The following FAP variants were observed in gnomAD, a reference collection of about 807,000 sequenced individuals.
FAP encodes the protein fibroblast activation protein alpha, also known as prolyl endopeptidase FAP.
FAP carries 110 observed loss-of-function variants against 126.5 expected under a neutral mutation model. The observed-to-expected ratio is 0.87, with a 90% CI of 0.74 to 1.02. The LOEUF (loss-of-function observed/expected upper bound fraction) is 1.02. Among genes scored for constraint, FAP ranks in the 50% least tolerant of loss-of-function variants. FAP has a pLI of 0.00. For synonymous variants in FAP, 334 were observed against 297.3 expected (o/e 1.12, Z -1.27); for missense variants, 919 against 909.2 (o/e 1.01, Z -0.14).
In FAP at chr2:162,173,801, G is replaced by A. The variant is rs1183831245; in HGVS notation, c.1970-14C>T. Reference sequence around the variant, plus strand: ...TGTAGACAGACGCTATAAAATATATGAGAATATGCATTGTTTGCATGTGAT... The same window carrying A: ...TGTAGACAGACGCTATAAAATATATAAGAATATGCATTGTTTGCATGTGAT... On this transcript the variant is annotated splice_polypyrimidine_tract_variant and intron_variant, in intron 22 of 25. Transcript: ENST00000188790. 2.6e-6 allele frequency: 4 copies of A among 1,530,650 alleles called. No individual in the cohort carries two copies. The highest frequency in any genetic ancestry group is 2.7e-6 in the Non-Finnish European group (3 of 1,105,256). 94.8% of individuals were successfully genotyped at this position (1,530,650 alleles called of 1,614,324 possible).
intron 2 of FAP, among the ~76,000 whole-genome samples, chr2:162,232,844 T>C (rs1404090411): frequency 6.6e-6 from 1 of 152,220 alleles, no homozygotes; most frequent in African/African-American, 2.4e-5. Context: ...AGAACATGAA[T>C]GGCAAATGAC....
intron 12 of FAP, 36 bp from the exon 13 acceptor site, chr2:162,203,181 A>G: frequency 7.3e-7 from 1 of 1,362,734 alleles, no homozygotes; most frequent in East Asian, 2.3e-5. Context: ...TTCAAAAGAC[A>G]AACCAAACTA....
At position 162,219,893 on chromosome 2, in the gene FAP, G is replaced by A. The variant is rs185902464; in HGVS notation, c.446C>T (p.Pro149Leu). 9.4e-5 allele frequency: 152 copies of A among 1,612,278 alleles called. 1 individual carries two copies. The East Asian group carries it at 3.0e-3, about 32-fold the overall frequency. Residue 149 changes from proline (P) to leucine (L), a missense_variant, in exon 7 of 26, where the codon CCA becomes CTA. Physicochemically the swap from Pro to Leu is moderately conservative, Grantham distance 98 (BLOSUM62 -3). Transcript: ENST00000188790. ...AGGCGACCAGCATAAATACTGAATT[G>A]GACGAGGAAGCTCATTTCCTCTTAC... is the stretch of plus-strand genomic sequence containing the variant. ...EFVRGNELPR[P>L]IQYLCWSPVG...
chr2:162,191,433 C>A (rs1480706856), intron 17 of FAP, among the ~76,000 whole-genome samples: 1 of 152,048 alleles, frequency 6.6e-6, no homozygotes, highest in Non-Finnish European at 1.5e-5. Flanking sequence ...CTGGGCTTCT[C>A]AATAAGGCTG....
intron 17 of FAP, among the ~76,000 whole-genome samples, chr2:162,193,281 G>A (rs976079585): frequency 3.9e-5 from 6 of 152,134 alleles, no homozygotes; most frequent in Admixed American, 1.3e-4. Context: ...CTGGGAATCC[G>A]TATTTATAAT....
At chr2:162,205,517 T>A (rs548870535) in intron 12 of FAP, among the ~76,000 whole-genome samples, 30 of 152,216 alleles carry the variant, frequency 2.0e-4, no homozygotes, top group Middle Eastern at 3.4e-3. Flanking sequence ...CCCTTTTTTT[T>A]ATTTTTTTAT....
chr2:162,218,592 G>GAT (rs1689254158), intron 8 of FAP, among the ~76,000 whole-genome samples: 1 of 151,560 alleles, frequency 6.6e-6, no homozygotes, highest in Non-Finnish European at 1.5e-5. Context: ...TAGATAGATA[G>GAT]ATAGATAGAT....
At chr2:162,172,282 C>T (rs897261245) in intron 25 of FAP, 1 of 152,160 alleles carries the variant, frequency 6.6e-6, no homozygotes, top group Admixed American at 6.6e-5. Context: ...TTACATTTAG[C>T]TAATTCATTC....
intron 2 of FAP, among the ~76,000 whole-genome samples, chr2:162,241,003 G>T (rs556771775): frequency 1.3e-5 from 2 of 152,232 alleles, no homozygotes; most frequent in South Asian, 2.1e-4. Context: ...ACTTCCCCGG[G>T]TCCTGCTCAG....
intron 25 of FAP, 123 bp from the exon 26 acceptor site, chr2:162,171,203 C>T: frequency 1.6e-6 from 1 of 644,810 alleles, no homozygotes. Context: ...CCTAAGAACA[C>T]TCAAATAAGT....
At chr2:162,222,681 T>C (rs150021904) in intron 6 of FAP, among the ~76,000 whole-genome samples, 1 of 152,286 alleles carries the variant, frequency 6.6e-6, no homozygotes, top group African/African-American at 2.4e-5. Context: ...TTTTCTAAAG[T>C]GCTAATCTGA....
Position 162,224,509 on chromosome 2 carries a change from G to T in FAP, c.317C>A (p.Ser106Ter). 6.2e-7 allele frequency: 1 copy of T among 1,600,486 alleles called. No homozygotes were observed. Among genetic ancestry groups the T allele is most frequent in the Non-Finnish European group, 8.5e-7 (1 of 1,175,018 alleles). The part of the protein sequence containing the change: ...KSVNASNYGL[S>*]PDRQFVYLES... ...TAGATATACAAATTGCCGATCAGGT[G>T]ATAAGCCGTAATTTGAAGCATTCAC... The change falls in exon 5 of 26, where the codon TCA becomes TAA. Residue 106 changes from serine to a stop codon, truncating the protein, a stop_gained. Coordinates refer to ENST00000188790, the MANE Select transcript of FAP (RefSeq NM_004460.5). LOFTEE classifies it high-confidence loss of function.
intron 1 of FAP, 142 bp from the exon 2 acceptor site, chr2:162,243,134 G>A: frequency 1.2e-6 from 1 of 825,014 alleles, no homozygotes; most frequent in Non-Finnish European, 2.0e-6. Context: ...TATAATTGCT[G>A]GAATTCTTCC....
intron 21 of FAP, chr2:162,176,412 T>C (rs1284821934): frequency 6.6e-6 from 1 of 152,202 alleles, no homozygotes; most frequent in African/African-American, 2.4e-5. Flanking sequence ...GGCCTCTTTT[T>C]ATTATACTTG....
In FAP at chr2:162,202,919, A is replaced by G; in HGVS notation, c.1176T>C (p.Ser392=). The G allele has an allele frequency of 6.2e-7, 1 of 1,613,826 alleles. No individual in the cohort carries two copies. The highest frequency in any genetic ancestry group is 8.5e-7 in the Non-Finnish European group (1 of 1,179,738). Residue 392 remains serine (S), a synonymous_variant, in exon 14 of 26, where the codon AGT becomes AGC. Transcript: ENST00000188790. ...DTVENAIQIT[S]GKWEAINIFR... is the part of the protein sequence containing the mutation. ...ATATATTTATGGCCTCCCACTTGCC[A>G]CTTGTAATTTGAATAGCATTTTCCT...
Position 162,203,133 on chromosome 2 carries a change from T to C in FAP, c.1060A>G (p.Thr354Ala), listed in dbSNP as rs985972818. ...ATGGCATCATAGCTGAAAACTGGTG[T>C]TGAAACAAAGAACTGAAAAAAATTA... ...TGWAGGFFVS[T>A]PVFSYDAISY... Residue 354 changes from threonine to alanine, a missense_variant, in exon 13 of 26, where the codon ACA becomes GCA. Coordinates refer to ENST00000188790, the MANE Select transcript of FAP (RefSeq NM_004460.5). 8 of 1,610,352 alleles carry C rather than the reference T, an allele frequency of 5.0e-6. No individual in the cohort carries two copies. The highest frequency in any genetic ancestry group is 3.3e-5 in the Admixed American group (2 of 59,848).
chr2:162,173,754 G>T lies in FAP; in HGVS notation c.2003C>A (p.Pro668Gln). 6.2e-7 allele frequency: 1 copy of T among 1,605,126 alleles called. No homozygotes were observed. Among genetic ancestry groups the T allele is most frequent in the Non-Finnish European group, 8.5e-7 (1 of 1,172,154 alleles). ...SVYTERFMGL[P>Q]TKDDNLEHYK... The stretch of plus-strand genomic sequence containing the variant: ...GTGCTCAAGATTATCATCCTTTGTT[G>T]GGAGACCCATGAATCTCTCTGTGTA... The change falls in exon 23 of 26, where the codon CCA (proline) becomes CAA (glutamine). Residue 668 changes from proline to glutamine, a missense_variant. By Grantham distance (76) the Pro-to-Gln change is moderately conservative. Transcript: ENST00000188790.
In FAP at chr2:162,191,481, G is replaced by T. The variant is rs563486711; in HGVS notation, c.1451-1727C>A. On this transcript the variant is annotated intron_variant, in intron 17 of 25. Coordinates refer to ENST00000188790, the MANE Select transcript of FAP (RefSeq NM_004460.5). ...CCATAACCTAGCAAAGGGAGTACAG[G>T]TCAGACCACACATTTTACTTTCTTT... Among the ~76,000 whole-genome samples, 5 of 152,092 alleles carry T rather than the reference G, an allele frequency of 3.3e-5. No individual in the cohort carries two copies. In the South Asian group the frequency reaches 1.0e-3, roughly 32 times the overall value.
intron 17 of FAP, among the ~76,000 whole-genome samples, chr2:162,192,017 C>A (rs181566762): frequency 6.6e-6 from 1 of 152,034 alleles, no homozygotes; most frequent in East Asian, 1.9e-4. Context: ...TTCTTAGGGA[C>A]CTCCCTCCTC....
Sources: gnomAD v4.1 joint callset for allele counts (sites outside exome capture counted in the v4.1 genomes callset) on GRCh38, gnomAD v4.1.1 for gene constraint, MANE v1.5 for transcripts, NCBI Gene and HGNC (gene_info 2026-07-23, HGNC 2026-07-21) for gene names.